Variants in PFKFB4 observed in about 807,000 individuals in gnomAD.
PFKFB4 encodes the protein 6-phosphofructo-2-kinase/fructose-2,6-biphosphatase 4.
A neutral mutation model predicts 62.8 loss-of-function variants in PFKFB4; 42 were observed. That is an observed-to-expected ratio of 0.67 (90% CI 0.52 to 0.86). The LOEUF is 0.86. Ranked by LOEUF, PFKFB4 falls within the 40% of genes least tolerant of loss-of-function variation. The pLI, the probability that PFKFB4 is intolerant of heterozygous loss-of-function variation, is 0.00. For synonymous variants in PFKFB4, 204 were observed against 240.7 expected (o/e 0.85, Z 1.41); for missense variants, 475 against 627.2 (o/e 0.76, Z 2.59).
chr3:48,525,601 G>C lies in PFKFB4; in HGVS notation c.1056C>G (p.Asp352Glu), dbSNP rs773901183. The change falls in exon 10 of 14, where the codon GAC becomes GAG. Residue 352 changes from aspartate to glutamate, a missense_variant. By Grantham distance (45) the Asp-to-Glu change is conservative. Coordinates refer to ENST00000232375, the MANE Select transcript of PFKFB4 (RefSeq NM_004567.4). ...GGTACCGGTACCGGTACTTGTCCTG[G>C]TCCCGCAGGGCGAACTCCAGTGGAT... ...DNYPLEFALR[D>E]QDKYRYRYPK... The C allele has an allele frequency of 1.2e-6, 2 of 1,607,078 alleles. No homozygotes were observed. The highest frequency in any genetic ancestry group is 2.3e-5 in the East Asian group (1 of 44,078).
At chr3:48,548,552 G>A (rs1006185330) in intron 3 of PFKFB4, 2 of 152,158 alleles carry the variant, frequency 1.3e-5, no homozygotes, top group African/African-American at 2.4e-5. Context: ...ATATTGGAAT[G>A]ATGGACACTT....
intron 4 of PFKFB4, among the ~76,000 whole-genome samples, chr3:48,540,737 G>A (rs1243242623): frequency 1.3e-5 from 2 of 151,618 alleles, no homozygotes; most frequent in African/African-American, 4.9e-5. Context: ...AGCCTCCCAA[G>A]TAGCTGGGAT....
chr3:48,534,388 C>T (rs2042524828), intron 9 of PFKFB4, among the ~76,000 whole-genome samples: 1 of 151,730 alleles, frequency 6.6e-6, no homozygotes, highest in Non-Finnish European at 1.5e-5. Flanking sequence ...CTCAATAAAC[C>T]CCAAGGATGA....
intron 3 of PFKFB4, among the ~76,000 whole-genome samples, chr3:48,544,441 C>CTTTTTTTTT (rs34817026): frequency 1.0e-5 from 1 of 100,368 alleles, no homozygotes; most frequent in Non-Finnish European, 2.0e-5. Flanking sequence ...GTTTTCAGAT[C>CTTTTTTTTT]TTTTTTTTTT....
upstream of PFKFB4, chr3:48,559,865 G>C: frequency 6.2e-6 from 2 of 323,656 alleles, no homozygotes; most frequent in Admixed American, 4.3e-5. Flanking sequence ...TGTATCTACT[G>C]GCCAGTCCTG....
Position 48,521,919 on chromosome 3 carries a change from G to C in PFKFB4, c.1350+67C>G. The stretch of plus-strand genomic sequence containing the variant: ...TGCCGCAGCTGGGCCTGGCCCTGGA[G>C]GATGTGCAGTCTGGACACCCCCACA... On this transcript the variant is annotated intron_variant, in intron 13 of 13. Coordinates refer to ENST00000232375, the MANE Select transcript of PFKFB4 (RefSeq NM_004567.4). This position sits in a 1 kb window ranked among gnomAD's most constrained non-coding sequence, Gnocchi z 5.3. The C allele has an allele frequency of 1.5e-6, 2 of 1,305,694 alleles. No individual in the cohort carries two copies. The highest frequency in any genetic ancestry group is 2.2e-6 in the Non-Finnish European group (2 of 898,302). 80.9% of individuals were successfully genotyped at this position (1,305,694 alleles called of 1,614,324 possible).
At position 48,531,407 on chromosome 3, in the gene PFKFB4, G is replaced by C. The variant is rs954501046; in HGVS notation, c.987+4105C>G. On this transcript the variant is annotated intron_variant, in intron 9 of 13. Transcript: ENST00000232375. ...AGCTACTCGGGAGGCTGAGGCAAGA[G>C]AATCACTTGAACCCGGGAAGCAGAA... Among the ~76,000 whole-genome samples the C allele has an allele frequency of 8.6e-5, 13 of 151,552 alleles. No individual in the cohort carries two copies. In the South Asian group the frequency reaches 1.5e-3, roughly 17 times the overall value.
chr3:48,543,683 G>A (rs754158272), intron 3 of PFKFB4, 37 bp from the exon 4 acceptor site: 60 of 1,569,724 alleles, frequency 3.8e-5, no homozygotes, highest in Non-Finnish European at 5.0e-5. Flanking sequence ...CCCAGCACCC[G>A]ACCCTGGCTC....
intron 9 of PFKFB4, 59 bp from the exon 10 acceptor site, chr3:48,525,728 CA>C: frequency 1.1e-6 from 1 of 898,780 alleles, no homozygotes; most frequent in Non-Finnish European, 1.7e-6. Context: ...GCCTTGGGGA[CA>C]TGTGGGGTGA....
intron 7 of PFKFB4, chr3:48,536,729 G>C (rs546059685): frequency 2.1e-6 from 1 of 469,336 alleles, no homozygotes; most frequent in South Asian, 3.1e-5. Context: ...CATCCAAAGT[G>C]GGGGGTCCGC....
chr3:48,539,636 G>T, intron 5 of PFKFB4, 61 bp downstream of exon 5: 1 of 1,374,896 alleles, frequency 7.3e-7, no homozygotes, highest in Non-Finnish European at 1.0e-6. Flanking sequence ...GGTGAAAGGA[G>T]CCCTGGAGGG....
At chr3:48,557,199 G>A (rs1187151593), upstream of PFKFB4, among the ~76,000 whole-genome samples, 1 of 152,238 alleles carries the variant, frequency 6.6e-6, no homozygotes, top group African/African-American at 2.4e-5. Flanking sequence ...CCTGAGCAGC[G>A]GCACGCGTGA....
intron 8 of PFKFB4, 55 bp from the exon 9 acceptor site, chr3:48,535,713 C>T (rs1448792261): frequency 1.2e-6 from 2 of 1,606,202 alleles, no homozygotes; most frequent in South Asian, 1.1e-5. Flanking sequence ...GCCCTTAAAG[C>T]ATCCCATAGC....
At chr3:48,559,227 C>T (rs563445663), upstream of PFKFB4, among the ~76,000 whole-genome samples, 1 of 152,346 alleles carries the variant, frequency 6.6e-6, no homozygotes, top group South Asian at 2.1e-4. Context: ...GACCCAGGCA[C>T]CCTCCTTCAA....
At chr3:48,527,101 G>A (rs1330245732) in intron 9 of PFKFB4, among the ~76,000 whole-genome samples, 1 of 152,132 alleles carries the variant, frequency 6.6e-6, no homozygotes, top group Non-Finnish European at 1.5e-5. Context: ...AGGAAGAGGT[G>A]AGGAAGCGTT....
At chr3:48,559,545 G>A, upstream of PFKFB4, 1 of 457,166 alleles carries the variant, frequency 2.2e-6, no homozygotes, top group South Asian at 1.5e-5. Flanking sequence ...CCATGGAGAT[G>A]CTGTCCCAGC....
chr3:48,534,493 G>C (rs1375049800), intron 9 of PFKFB4, among the ~76,000 whole-genome samples: 3 of 151,940 alleles, frequency 2.0e-5, no homozygotes, highest in Non-Finnish European at 4.4e-5. Context: ...AACATCATGA[G>C]ACTCCGTCTC....
chr3:48,527,954 G>A (rs903042306), intron 9 of PFKFB4, among the ~76,000 whole-genome samples: 2 of 152,030 alleles, frequency 1.3e-5, no homozygotes, highest in African/African-American at 4.8e-5. Flanking sequence ...CTCCCAAAGT[G>A]CTGGGATTAC....
chr3:48,545,006 G>C (rs974001679), intron 3 of PFKFB4, among the ~76,000 whole-genome samples: 4 of 152,162 alleles, frequency 2.6e-5, no homozygotes, highest in Non-Finnish European at 5.9e-5. Flanking sequence ...TTACAGGCGC[G>C]AGCCACTGCA....
Sources: gnomAD v4.1 joint callset for allele counts (sites outside exome capture counted in the v4.1 genomes callset) on GRCh38, gnomAD v4.1.1 for gene constraint, Gnocchi (gnomAD v3.1) non-coding constraint, MANE v1.5 for transcripts, NCBI Gene and HGNC (gene_info 2026-07-23, HGNC 2026-07-21) for gene names.